Variants in SEZ6L observed in about 807,000 individuals in gnomAD.
SEZ6L encodes seizure related 6 homolog like, also known as seizure 6-like protein.
A neutral mutation model predicts 106.2 loss-of-function variants in SEZ6L; 37 were observed. That is an observed-to-expected ratio of 0.35 (90% CI 0.27 to 0.46). SEZ6L has a LOEUF of 0.46. Among genes scored for constraint, SEZ6L ranks in the 20% least tolerant of loss-of-function variants. The probability of loss-of-function intolerance (pLI) is 1.00; values close to 1 mark genes in which losing one functional copy is unlikely to be tolerated. For missense variants in SEZ6L, 1,172 were observed against 1,332.8 expected (o/e 0.88, Z 1.88); for synonymous variants, 541 against 570.4 (o/e 0.95, Z 0.73).
At chr22:26,221,928 A>G (rs1163400920) in intron 1 of SEZ6L, among the ~76,000 whole-genome samples, 1 of 152,242 alleles carries the variant, frequency 6.6e-6, no homozygotes, top group East Asian at 1.9e-4. Context: ...GCCTTATTGC[A>G]GGAAACCAGA....
intron 9 of SEZ6L, among the ~76,000 whole-genome samples, chr22:26,337,754 G>A (rs898086130): frequency 1.3e-5 from 2 of 152,200 alleles, no homozygotes; most frequent in African/African-American, 2.4e-5. Context: ...TGCAAAGCAA[G>A]CAGGTAGCTT....
rs1420063129 is a variant in SEZ6L, at chr22:26,351,528, T to TGTTG, written c.2599+288_2599+289insGGTT. 3.0e-5 allele frequency: 7 copies of TGTTG among 230,296 alleles called. No homozygotes were observed. In the East Asian group the frequency reaches 4.7e-4, roughly 15 times the overall value. The allele number at this position is 230,296 out of a possible 1,614,324, so 14.3% of individuals were successfully genotyped here. A position where few individuals can be genotyped will look rare whatever the true frequency, so the allele number is the denominator to read the frequency against. On this transcript the variant is annotated intron_variant, in intron 12 of 16. Coordinates refer to ENST00000248933, the MANE Select transcript of SEZ6L (RefSeq NM_021115.5). Reference sequence around the variant, plus strand: ...TACTTTGTTTTTTTGTTTGTTTGTTTGTTTGTTTGTTTGTTTGTTGGTTGG... The same window carrying TGTTG: ...TACTTTGTTTTTTTGTTTGTTTGTTTGTTGGTTTGTTTGTTTGTTTGTTGGTTGG...
Position 26,382,068 on chromosome 22 carries a change from T to A in SEZ6L, c.*1773T>A. The A allele has an allele frequency of 1.9e-6, 1 of 518,720 alleles. No individual in the cohort carries two copies. Among genetic ancestry groups the A allele is most frequent in the Non-Finnish European group, 3.8e-6 (1 of 259,766 alleles). The allele number at this position is 518,720 out of a possible 1,614,324, so 32.1% of individuals were successfully genotyped here. The stretch of plus-strand genomic sequence containing the variant: ...CAATCTTGGGGGTCTAAGACCAGAA[T>A]ATTTTCCTTCTGCCAGAAAAGAATC... On this transcript the variant is annotated 3_prime_UTR_variant, in exon 17 of 17. Coordinates refer to ENST00000248933, the MANE Select transcript of SEZ6L (RefSeq NM_021115.5).
chr22:26,341,645 A>T (rs942649328), intron 10 of SEZ6L, among the ~76,000 whole-genome samples: 1 of 152,128 alleles, frequency 6.6e-6, no homozygotes, highest in Non-Finnish European at 1.5e-5. Flanking sequence ...CAGATTTAAC[A>T]TGGCCAAACA....
chr22:26,177,208 G>A (rs1939073279), intron 1 of SEZ6L, among the ~76,000 whole-genome samples: 1 of 152,156 alleles, frequency 6.6e-6, no homozygotes, highest in African/African-American at 2.4e-5. Flanking sequence ...CTGAAAAATG[G>A]GAATAATAAT....
chr22:26,230,935 C>T (rs765560063), intron 1 of SEZ6L, among the ~76,000 whole-genome samples: 50 of 152,218 alleles, frequency 3.3e-4, no homozygotes, highest in Non-Finnish European at 6.5e-4. Flanking sequence ...TCGCCCAAGG[C>T]TTTCCAGGCC....
At chr22:26,266,298 C>A (rs988898391) in intron 1 of SEZ6L, among the ~76,000 whole-genome samples, 2 of 151,704 alleles carry the variant, frequency 1.3e-5, no homozygotes, top group Non-Finnish European at 2.9e-5. Context: ...CGGTGGCTTA[C>A]GCCTGTAATC....
chr22:26,235,385 A>G (rs932427449), intron 1 of SEZ6L, among the ~76,000 whole-genome samples: 2 of 152,190 alleles, frequency 1.3e-5, no homozygotes, highest in African/African-American at 4.8e-5. Context: ...TGAATTCAAC[A>G]AACATTTACT....
At chr22:26,207,007 C>A (rs1941304688) in intron 1 of SEZ6L, among the ~76,000 whole-genome samples, 1 of 152,160 alleles carries the variant, frequency 6.6e-6, no homozygotes, top group Non-Finnish European at 1.5e-5. Context: ...CGCTTATTTT[C>A]TTCTTAATGC....
In SEZ6L at chr22:26,365,446, C is replaced by T; in HGVS notation, c.2674C>T (p.Leu892=). The change falls in exon 13 of 17, where the codon CTG becomes TTG. Residue 892 remains leucine, a synonymous_variant. Coordinates refer to ENST00000248933, the MANE Select transcript of SEZ6L (RefSeq NM_021115.5). ...GYQILYKRLY[L]PGESLTFMCY... ...CCAAATCCTGTACAAGCGACTCTAC[C>T]TGCCAGGAGAGTCCCTCACCTTCAT... is the stretch of plus-strand genomic sequence containing the variant. The T allele has an allele frequency of 1.2e-6, 2 of 1,614,122 alleles. No individual in the cohort carries two copies. Among genetic ancestry groups the T allele is most frequent in the East Asian group, 4.5e-5 (2 of 44,890 alleles).
intron 12 of SEZ6L, among the ~76,000 whole-genome samples, chr22:26,364,376 A>G (rs1039169963): frequency 2.3e-4 from 35 of 148,986 alleles, no homozygotes; most frequent in Non-Finnish European, 5.0e-4. Flanking sequence ...GCTTGAGCCC[A>G]GGAGTTTGAG....
At chr22:26,198,379 G>A (rs571914175) in intron 1 of SEZ6L, among the ~76,000 whole-genome samples, 12 of 152,350 alleles carry the variant, frequency 7.9e-5, no homozygotes, top group Admixed American at 4.6e-4. Flanking sequence ...TCCAAAGACT[G>A]TAAGCTTAGA....
intron 6 of SEZ6L, among the ~76,000 whole-genome samples, chr22:26,308,292 G>A (rs187960243): frequency 1.7e-4 from 25 of 150,740 alleles, no homozygotes; most frequent in African/African-American, 6.2e-4. Flanking sequence ...AGAATTGGAG[G>A]ATGAGCACAA....
intron 1 of SEZ6L, among the ~76,000 whole-genome samples, chr22:26,176,343 A>C (rs779351331): frequency 6.6e-6 from 1 of 152,254 alleles, no homozygotes; most frequent in Non-Finnish European, 1.5e-5. Flanking sequence ...GAGCTGATGC[A>C]AGCCTGGAGA....
chr22:26,189,399 A>C (rs940153094), intron 1 of SEZ6L, among the ~76,000 whole-genome samples: 3 of 152,220 alleles, frequency 2.0e-5, no homozygotes, highest in Non-Finnish European at 2.9e-5. Context: ...TTTCTAAATT[A>C]CTTTGAGCTG....
chr22:26,208,122 A>G (rs552429242), intron 1 of SEZ6L, among the ~76,000 whole-genome samples: 2 of 151,750 alleles, frequency 1.3e-5, no homozygotes, highest in Admixed American at 1.3e-4. Context: ...TCACCGTGTT[A>G]GCCAGGATGG....
intron 14 of SEZ6L, among the ~76,000 whole-genome samples, chr22:26,375,242 A>G (rs1424158775): frequency 6.6e-6 from 1 of 152,134 alleles, no homozygotes; most frequent in Non-Finnish European, 1.5e-5. Flanking sequence ...CAGTTACTGA[A>G]TTTGGGATTT....
intron 1 of SEZ6L, among the ~76,000 whole-genome samples, chr22:26,289,234 G>A (rs1250839815): frequency 6.6e-6 from 1 of 152,144 alleles, no homozygotes; most frequent in East Asian, 1.9e-4. Flanking sequence ...CTTGGAAGCT[G>A]GGTGTCCTGA....
intron 1 of SEZ6L, among the ~76,000 whole-genome samples, chr22:26,188,279 A>G (rs947838101): frequency 3.3e-5 from 5 of 152,218 alleles, no homozygotes; most frequent in African/African-American, 7.2e-5. Flanking sequence ...GTGGCTTAAA[A>G]TAACAAATAT....
Sources: gnomAD v4.1 joint callset for allele counts (sites outside exome capture counted in the v4.1 genomes callset) on GRCh38, gnomAD v4.1.1 for gene constraint, MANE v1.5 for transcripts, NCBI Gene and HGNC (gene_info 2026-07-23, HGNC 2026-07-21) for gene names.